The following ODF2 variants were observed in gnomAD, a reference collection of about 807,000 sequenced individuals.
The protein encoded by ODF2 is outer dense fiber protein 2.
Under a neutral mutation model 110.2 loss-of-function variants are expected in ODF2, and 47 were observed. That is an observed-to-expected ratio of 0.43 (90% CI 0.34 to 0.54). The LOEUF (loss-of-function observed/expected upper bound fraction) is 0.54. ODF2 is among the 20% of genes least tolerant of loss of function. ODF2 has a pLI of 0.03. For missense variants in ODF2, 812 were observed against 1,054.5 expected, an observed-to-expected ratio of 0.77 and a Z score of 3.19; for synonymous variants, 352 against 397.7, an observed-to-expected ratio of 0.89 and a Z score of 1.37.
chr9:128,486,446 A>G (rs1004743826), intron 13 of ODF2, among the ~76,000 whole-genome samples: 7 of 152,188 alleles, frequency 4.6e-5, no homozygotes, highest in African/African-American at 1.7e-4. Context: ...TTTGCCAGGT[A>G]AACTGGAGTT....
At chr9:128,496,258 C>T in intron 18 of ODF2, 117 bp downstream of exon 18, 1 of 1,539,680 alleles carries the variant, frequency 6.5e-7, no homozygotes, top group Non-Finnish European at 8.7e-7. Context: ...CTGGAAGGTA[C>T]TAGGCAGACC....
At chr9:128,480,266 T>A (rs902656744) in intron 8 of ODF2, among the ~76,000 whole-genome samples, 4 of 152,216 alleles carry the variant, frequency 2.6e-5, no homozygotes, top group African/African-American at 9.6e-5. Context: ...TGAGGTATAT[T>A]TGACAAACAG....
At chr9:128,500,857 CA>C (rs1846371163), downstream of ODF2, 1 of 152,192 alleles carries the variant, frequency 6.6e-6, no homozygotes, top group Non-Finnish European at 1.5e-5. Context: ...AGTGTAATGC[CA>C]ATTTCATTGA....
At chr9:128,497,443 AAAAATATATATATATATAT>A (rs1244319112) in intron 18 of ODF2, 9 of 84,298 alleles carry the variant, frequency 1.1e-4, no homozygotes, top group African/African-American at 3.8e-4. Context: ...AAAAAAAAAA[AAAAATATATATATATATAT>A]ATATATATAT....
rs755396237 is a variant in ODF2 at position 128,460,613 on chromosome 9, CCT to C, written c.124-328_124-327del. On this transcript the variant is annotated intron_variant, in intron 3 of 20. Transcript: ENST00000604420. Reference sequence around the variant, plus strand: ...ACATGTTCACGTGGATGAGAACACCCCTGTCCACGTCCACATAAAAAAACTCC... The same window carrying C: ...ACATGTTCACGTGGATGAGAACACCCGTCCACGTCCACATAAAAAAACTCC... The C allele has an allele frequency of 2.5e-6, 4 of 1,614,024 alleles. No homozygotes were observed. The Admixed American group carries it at 6.7e-5, about 27-fold the overall frequency.
exon 2 of ODF2, chr9:128,457,227 G>A (rs773636458): frequency 6.3e-7 from 1 of 1,584,472 alleles, no homozygotes; most frequent in South Asian, 1.1e-5. Flanking sequence ...GGACAGTAGA[G>A]GAGCGCCTCC....
chr9:128,469,741 T>C (rs1839231711), intron 5 of ODF2, among the ~76,000 whole-genome samples: 1 of 151,604 alleles, frequency 6.6e-6, no homozygotes, highest in African/African-American at 2.4e-5. Flanking sequence ...ACGCCTGTAA[T>C]CCCAGCACTT....
At chr9:128,464,390 G>A (rs1390704698) in intron 4 of ODF2, among the ~76,000 whole-genome samples, 2 of 151,500 alleles carry the variant, frequency 1.3e-5, no homozygotes, top group African/African-American at 4.8e-5. Context: ...TCTTGACCTC[G>A]TGATCCGCCC....
intron 8 of ODF2, among the ~76,000 whole-genome samples, chr9:128,477,542 C>T (rs1034216969): frequency 6.6e-6 from 1 of 151,754 alleles, no homozygotes; most frequent in Non-Finnish European, 1.5e-5. Context: ...GTTAGACTGT[C>T]CCCCCAAAAA....
intron 4 of ODF2, among the ~76,000 whole-genome samples, chr9:128,466,094 G>C (rs1400108353): frequency 6.6e-6 from 1 of 151,806 alleles, no homozygotes; most frequent in Admixed American, 6.6e-5. Flanking sequence ...AGCCAAGATC[G>C]CGCCCCTGCA....
At chr9:128,484,926 G>A in intron 12 of ODF2, 40 bp downstream of exon 12, 1 of 1,602,252 alleles carries the variant, frequency 6.2e-7, no homozygotes, top group Admixed American at 1.7e-5. Context: ...CCTGCCCTGA[G>A]GAGGGCTGGG....
At chr9:128,457,352 CT>C (rs776865202) in exon 2 of ODF2, 1 of 1,612,060 alleles carries the variant, frequency 6.2e-7, no homozygotes, top group Non-Finnish European at 8.5e-7. Flanking sequence ...CTGGGTCCCC[CT>C]GAGCAGAGCC....
At chr9:128,492,858 A>C in intron 16 of ODF2, 53 bp downstream of exon 16, 195 of 1,465,332 alleles carry the variant, frequency 1.3e-4, no homozygotes, top group Non-Finnish European at 1.6e-4. Context: ...TATCTAACTC[A>C]ATGACTGTGA....
At chr9:128,463,668 C>T (rs1016909432) in intron 4 of ODF2, among the ~76,000 whole-genome samples, 1 of 138,992 alleles carries the variant, frequency 7.2e-6, no homozygotes, top group African/African-American at 2.8e-5. Context: ...TTTGGCCGGC[C>T]CTATTTGTGC....
At chr9:128,456,850 C>A (rs536124470) in intron 1 of ODF2, 756 of 1,309,852 alleles carry the variant, frequency 5.8e-4, no homozygotes, top group Non-Finnish European at 7.1e-4. Context: ...GCCCGGGGCC[C>A]GTGCAACCTC....
Position 128,494,695 on chromosome 9 carries a change from C to G in ODF2, c.1911+27C>G, listed in dbSNP as rs560121539. ...TAAGGGACTGGCAGAAAGGGTCCCACGAACTGACCCGAGCAGGGGCCCGCA... is the reference window on the plus strand; with the variant it reads ...TAAGGGACTGGCAGAAAGGGTCCCAGGAACTGACCCGAGCAGGGGCCCGCA... On this transcript the variant is annotated intron_variant, in intron 17 of 20. Coordinates refer to ENST00000604420, the Ensembl canonical transcript of ODF2. This position sits in a 1 kb window ranked among gnomAD's most constrained non-coding sequence, Gnocchi z 4.6. The G allele has an allele frequency of 4.3e-6, 7 of 1,614,086 alleles. No individual in the cohort carries two copies. Among genetic ancestry groups the G allele is most frequent in the Non-Finnish European group, 5.9e-6 (7 of 1,180,054 alleles).
intron 8 of ODF2, among the ~76,000 whole-genome samples, chr9:128,478,556 C>T (rs1166695856): frequency 6.6e-6 from 1 of 150,824 alleles, no homozygotes; most frequent in Non-Finnish European, 1.5e-5. Flanking sequence ...CAAGATCATG[C>T]CACTGCACTC....
rs769046629 is a variant in ODF2 at position 128,473,752 on chromosome 9, G to T, written c.843+11G>T. On this transcript the variant is annotated intron_variant, in intron 8 of 20. Coordinates refer to ENST00000604420, the Ensembl canonical transcript of ODF2. The stretch of plus-strand genomic sequence containing the variant: ...CAGCACTGCAAAGAGGTGAGCTTGG[G>T]GCCTGGCTCTTTCCCTCCAGCTCTG... 1 of 1,611,136 alleles carries T rather than the reference G, an allele frequency of 6.2e-7. No homozygotes were observed. The highest frequency in any genetic ancestry group is 8.5e-7 in the Non-Finnish European group (1 of 1,178,844).
At chr9:128,490,487 G>A (rs1484047267) in intron 14 of ODF2, among the ~76,000 whole-genome samples, 3 of 152,056 alleles carry the variant, frequency 2.0e-5, no homozygotes, top group South Asian at 4.2e-4. Context: ...GTTTTACCAC[G>A]TTGGCCAGGC....
Sources: allele counts gnomAD v4.1 joint callset (sites outside exome capture counted in the v4.1 genomes callset), GRCh38; gene constraint gnomAD v4.1.1; non-coding constraint Gnocchi (gnomAD v3.1); transcripts MANE v1.5; gene names NCBI Gene and HGNC (gene_info 2026-07-23, HGNC 2026-07-21).